Variants in ADGRV1 observed in about 807,000 individuals in gnomAD.
ADGRV1 encodes G-protein coupled receptor 98.
Under a neutral mutation model 596.2 loss-of-function variants are expected in ADGRV1, and 359 were observed. The observed-to-expected ratio is 0.60, with a 90% CI of 0.55 to 0.66. The LOEUF is 0.66. Ranked by LOEUF, ADGRV1 falls within the 30% of genes least tolerant of loss-of-function variation. ADGRV1 has a pLI of 0.00. For synonymous variants in ADGRV1, 2,681 were observed against 2,679.2 expected (o/e 1.00, Z -0.02); for missense variants, 7,274 against 7,575.6 (o/e 0.96, Z 1.48).
At chr5:90,709,570 A>T (rs1475298829) in intron 39 of ADGRV1, among the ~76,000 whole-genome samples, 1 of 152,202 alleles carries the variant, frequency 6.6e-6, no homozygotes, top group Non-Finnish European at 1.5e-5. Flanking sequence ...TGGACAGGGG[A>T]AAGTTAATTT....
At chr5:90,656,117 A>G (rs1769374019) in intron 20 of ADGRV1, among the ~76,000 whole-genome samples, 1 of 152,244 alleles carries the variant, frequency 6.6e-6, no homozygotes, top group Non-Finnish European at 1.5e-5. Flanking sequence ...TAGCATTGTA[A>G]CTTAAGTAGT....
At position 90,928,853 on chromosome 5, in the gene ADGRV1, C is replaced by G. The variant is rs367740609; in HGVS notation, c.17857-36562C>G. Among the ~76,000 whole-genome samples, 759 of 149,050 alleles carry G rather than the reference C, an allele frequency of 5.1e-3. 4 individuals carry two copies. The highest frequency in any genetic ancestry group is 0.035 in the Middle Eastern group (10 of 282). ...GTTTGTTAGTTTTCCTTCTAACAGA[C>G]AGGACCCTCAGCTGCAGGTCTGTTG... is the stretch of plus-strand genomic sequence containing the variant. On this transcript the variant is annotated intron_variant, in intron 83 of 89. Transcript: ENST00000405460.
At chr5:91,125,156 A>G (rs1793640908) in intron 87 of ADGRV1, among the ~76,000 whole-genome samples, 2 of 152,250 alleles carry the variant, frequency 1.3e-5, no homozygotes, top group Middle Eastern at 3.4e-3. Context: ...TCGTCTTCCT[A>G]TTGCATGTAT....
intron 83 of ADGRV1, among the ~76,000 whole-genome samples, chr5:90,872,337 T>C (rs1470526081): frequency 6.6e-6 from 1 of 152,154 alleles, no homozygotes; most frequent in Non-Finnish European, 1.5e-5. Context: ...TGTGTCCTCA[T>C]TGCTTGTGTT....
chr5:90,716,039 CAT>C (rs1435486213), intron 42 of ADGRV1, among the ~76,000 whole-genome samples: 3 of 152,140 alleles, frequency 2.0e-5, no homozygotes, highest in Non-Finnish European at 2.9e-5. Flanking sequence ...AGTAGACAAT[CAT>C]GTCATCTAGA....
At chr5:90,908,002 T>C (rs1772480024) in intron 83 of ADGRV1, among the ~76,000 whole-genome samples, 1 of 151,934 alleles carries the variant, frequency 6.6e-6, no homozygotes, top group Non-Finnish European at 1.5e-5. Flanking sequence ...AGAGGTGCAC[T>C]GCCATGCCAG....
intron 50 of ADGRV1, among the ~76,000 whole-genome samples, chr5:90,735,521 AT>A (rs1441956892): frequency 1.3e-5 from 2 of 152,038 alleles, no homozygotes; most frequent in East Asian, 1.9e-4. Flanking sequence ...ATGAATTTAA[AT>A]TTTTTTTATT....
Position 90,823,512 on chromosome 5 carries a change from G to A in ADGRV1, c.16284G>A (p.Glu5428=). The change falls in exon 76 of 90, where the codon GAG becomes GAA. Residue 5428 remains glutamate (E), a synonymous_variant. Transcript: ENST00000405460. ...VLQKDGVNLV[E]ELQSVSGTTT... ...AGAAGGATGGGGTAAACCTGGTGGA[G>A]GAACTTCAGTCTGTGTCAGGGACCA... is the stretch of plus-strand genomic sequence containing the variant. 6.2e-7 allele frequency: 1 copy of A among 1,613,934 alleles called. No individual in the cohort carries two copies. The highest frequency in any genetic ancestry group is 2.2e-5 in the East Asian group (1 of 44,872).
chr5:90,697,192 A>T, intron 34 of ADGRV1, 46 bp downstream of exon 34: 1 of 1,513,922 alleles, frequency 6.6e-7, no homozygotes, highest in Non-Finnish European at 9.1e-7. Flanking sequence ...TTTTCTATGG[A>T]TGTTGTCTTT....
chr5:90,711,403 T>C, intron 41 of ADGRV1, 81 bp downstream of exon 41: 2 of 1,036,494 alleles, frequency 1.9e-6, no homozygotes, highest in Non-Finnish European at 2.7e-6. Flanking sequence ...GTGATTTAGG[T>C]CCCATATAAA....
intron 86 of ADGRV1, among the ~76,000 whole-genome samples, chr5:91,087,177 C>T (rs541844520): frequency 6.6e-5 from 10 of 152,258 alleles, no homozygotes; most frequent in African/African-American, 2.4e-4. Flanking sequence ...TCTTGTTTTC[C>T]CTGAATTTTT....
At position 90,642,531 on chromosome 5, in the gene ADGRV1, C is replaced by G. The variant is rs901176147; in HGVS notation, c.2241-105C>G. On this transcript the variant is annotated intron_variant, in intron 11 of 89. Coordinates refer to ENST00000405460, the MANE Select transcript of ADGRV1 (RefSeq NM_032119.4). ...TTAAGGTCTAATTCCTCATAGCCTTCCTTTTCATTATCTGGAAGAGTTGTA... is the reference window on the plus strand; with the variant it reads ...TTAAGGTCTAATTCCTCATAGCCTTGCTTTTCATTATCTGGAAGAGTTGTA... 3 of 1,211,110 alleles carry G rather than the reference C, an allele frequency of 2.5e-6. No homozygotes were observed. In the African/African-American group the frequency reaches 4.6e-5, roughly 18 times the overall value. 75.0% of individuals were successfully genotyped at this position (1,211,110 alleles called of 1,614,324 possible).
chr5:90,600,308 C>T (rs11738461), intron 1 of ADGRV1, among the ~76,000 whole-genome samples: 10,812 of 152,186 alleles, frequency 0.071, 453 homozygotes, highest in Non-Finnish European at 0.093. Context: ...TCCCCCTTCC[C>T]CCCACCTCAC....
At chr5:90,644,038 T>C in intron 14 of ADGRV1, 55 bp downstream of exon 14, 1 of 1,233,538 alleles carries the variant, frequency 8.1e-7, no homozygotes, top group Middle Eastern at 2.3e-4. Flanking sequence ...AGAAATATAA[T>C]TTTTTTAGTT....
chr5:90,932,343 C>CCCCTGGGACACCCCTGG (rs1430780575), intron 83 of ADGRV1, among the ~76,000 whole-genome samples: 2 of 152,150 alleles, frequency 1.3e-5, no homozygotes, highest in Non-Finnish European at 2.9e-5. Context: ...GTCCCGCTGA[C>CCCCTGGGACACCCCTGG]TTTCCCCAAT....
At position 90,829,201 on chromosome 5, in the gene ADGRV1, T is replaced by A; in HGVS notation, c.16611+15T>A. On this transcript the variant is annotated intron_variant, in intron 77 of 89. Transcript: ENST00000405460. ...TTAGTACCCAGGTAAGCATGGAATA[T>A]ATATATTCATACACGTTATGGTTTT... 1 of 1,467,328 alleles carries A rather than the reference T, an allele frequency of 6.8e-7. No individual in the cohort carries two copies. The highest frequency in any genetic ancestry group is 9.1e-7 in the Non-Finnish European group (1 of 1,098,274). The allele number at this position is 1,467,328 out of a possible 1,614,324, so 90.9% of individuals were successfully genotyped here.
intron 21 of ADGRV1, among the ~76,000 whole-genome samples, chr5:90,661,092 C>A (rs965837176): frequency 6.6e-6 from 1 of 152,154 alleles, no homozygotes; most frequent in Non-Finnish European, 1.5e-5. Context: ...TTTGTTAGAT[C>A]TATAGCCTAG....
intron 45 of ADGRV1, among the ~76,000 whole-genome samples, chr5:90,722,438 C>T (rs1402258853): frequency 2.0e-5 from 3 of 150,250 alleles, no homozygotes; most frequent in Non-Finnish European, 3.0e-5. Flanking sequence ...GGGCCGGGCG[C>T]GGTGGTTCAT....
chr5:90,934,985 C>A (rs369995195), intron 83 of ADGRV1, among the ~76,000 whole-genome samples: 151 of 152,202 alleles, frequency 9.9e-4, no homozygotes, highest in Middle Eastern at 3.4e-3. Context: ...AACCTAATTA[C>A]CTCCTAGAAG....
Sources: allele counts gnomAD v4.1 joint callset (sites outside exome capture counted in the v4.1 genomes callset), GRCh38; gene constraint gnomAD v4.1.1; transcripts MANE v1.5; gene names NCBI Gene and HGNC (gene_info 2026-07-23, HGNC 2026-07-21).